ACCSL: variants seen among roughly 807,000 people sequenced by gnomAD.
The protein encoded by ACCSL is 1-aminocyclopropane-1-carboxylate synthase homolog (inactive) like, also known as probable inactive 1-aminocyclopropane-1-carboxylate synthase-like protein 2.
ACCSL carries 55 observed loss-of-function variants against 61.7 expected under a neutral mutation model. The ratio of observed to expected loss-of-function variants is 0.89; its 90% CI spans 0.72 to 1.12. The LOEUF is 1.12. Ranked by LOEUF, ACCSL falls within the 50% of genes most tolerant of loss-of-function variation. ACCSL has a pLI of 0.00. For missense variants in ACCSL, 632 were observed against 698.0 expected (o/e 0.91, Z 1.07); for synonymous variants, 258 against 264.3 (o/e 0.98, Z 0.23).
chr11:44,006,941 C>T, the ACCSL span, among the ~76,000 whole-genome samples: 1 of 152,212 alleles, frequency 6.6e-6, no homozygotes, highest in Non-Finnish European at 1.5e-5. Flanking sequence ...TTCAAGCTAA[C>T]CTCTCCCCAC....
At chr11:44,046,127 A>T (rs997476386), upstream of ACCSL, among the ~76,000 whole-genome samples, 1 of 152,232 alleles carries the variant, frequency 6.6e-6, no homozygotes. Context: ...GAGCCCCATT[A>T]AAATGAATCT....
At chr11:44,047,850 C>T (rs1952608839), upstream of ACCSL, 1 of 700,268 alleles carries the variant, frequency 1.4e-6, no homozygotes, top group Non-Finnish European at 2.3e-6. Context: ...GAGTAGGTAA[C>T]TCTTCATGAA....
At chr11:44,021,869 T>A in the ACCSL span, among the ~76,000 whole-genome samples, 1 of 152,210 alleles carries the variant, frequency 6.6e-6, no homozygotes, top group East Asian at 1.9e-4. Flanking sequence ...ATTTGTTGAA[T>A]AGGGTGTCCC....
chr11:43,967,216 C>T, the ACCSL span, among the ~76,000 whole-genome samples: 503 of 106,478 alleles, frequency 4.7e-3, 4 homozygotes, highest in African/African-American at 0.017. Flanking sequence ...TCGCTCTTGT[C>T]GCCCAGGCTG....
At chr11:43,943,629 T>A in the ACCSL span, 1 of 1,305,946 alleles carries the variant, frequency 7.7e-7, no homozygotes. The surrounding 1 kb of genome is among the most constrained non-coding windows in gnomAD (Gnocchi z 4.8). Flanking sequence ...ACTCCGATTT[T>A]GCACACCGCT....
the ACCSL span, among the ~76,000 whole-genome samples, chr11:44,037,573 G>A: frequency 6.6e-6 from 1 of 152,194 alleles, no homozygotes; most frequent in African/African-American, 2.4e-5. Flanking sequence ...TGGCAAATCC[G>A]TGTTACAGCT....
chr11:44,022,115 A>T, the ACCSL span, among the ~76,000 whole-genome samples: 2 of 151,622 alleles, frequency 1.3e-5, no homozygotes, highest in African/African-American at 4.9e-5. Context: ...TTTTGGTTTC[A>T]TATGAAGTTT....
the ACCSL span, among the ~76,000 whole-genome samples, chr11:43,929,117 A>G: frequency 2.0e-5 from 3 of 152,228 alleles, no homozygotes; most frequent in African/African-American, 7.2e-5. Context: ...GAGTTGTTCA[A>G]TTGAGAGAGA....
At chr11:44,016,574 T>C in the ACCSL span, among the ~76,000 whole-genome samples, 2 of 152,146 alleles carry the variant, frequency 1.3e-5, no homozygotes, top group African/African-American at 2.4e-5. Context: ...CAGAAAAAGA[T>C]AGTATCTGTT....
At chr11:44,033,686 C>G in the ACCSL span, among the ~76,000 whole-genome samples, 144 of 152,202 alleles carry the variant, frequency 9.5e-4, no homozygotes, top group Middle Eastern at 0.02. Flanking sequence ...AAGCAGGATA[C>G]CAAGTCCTGG....
the ACCSL span, among the ~76,000 whole-genome samples, chr11:44,030,270 ATTTC>A: frequency 6.7e-6 from 1 of 150,130 alleles, no homozygotes; most frequent in Admixed American, 6.6e-5. Flanking sequence ...GTCTTGACCC[ATTTC>A]TTTCTCCCCT....
the ACCSL span, among the ~76,000 whole-genome samples, chr11:43,963,455 C>T: frequency 6.6e-6 from 1 of 152,240 alleles, no homozygotes; most frequent in Non-Finnish European, 1.5e-5. Flanking sequence ...TCTCCCTTCT[C>T]TCAGAGGGAG....
chr11:44,037,673 A>G, the ACCSL span, among the ~76,000 whole-genome samples: 1 of 152,210 alleles, frequency 6.6e-6, no homozygotes, highest in African/African-American at 2.4e-5. Flanking sequence ...TACTGTCAAC[A>G]TTCACAAGGT....
At chr11:43,932,427 C>T in the ACCSL span, among the ~76,000 whole-genome samples, 1,299 of 152,258 alleles carry the variant, frequency 8.5e-3, 19 homozygotes, top group African/African-American at 0.03. Flanking sequence ...ACCAACATGC[C>T]GGGCTAACTT....
chr11:43,961,735 C>T, the ACCSL span, among the ~76,000 whole-genome samples: 2 of 152,102 alleles, frequency 1.3e-5, no homozygotes, highest in African/African-American at 2.4e-5. Flanking sequence ...CTCTCTCTCT[C>T]TCCTCTCTCC....
the ACCSL span, among the ~76,000 whole-genome samples, chr11:43,989,015 G>A: frequency 7.9e-5 from 12 of 152,032 alleles, no homozygotes; most frequent in African/African-American, 2.7e-4. Context: ...TCCTCCCTGG[G>A]TTCTAACTGG....
chr11:43,926,212 A>G, the ACCSL span, among the ~76,000 whole-genome samples: 1 of 151,934 alleles, frequency 6.6e-6, no homozygotes, highest in South Asian at 2.1e-4. Context: ...GAGCTCCCAG[A>G]TGCCAAAGTG....
chr11:43,940,553 G>A, the ACCSL span, among the ~76,000 whole-genome samples: 3 of 151,326 alleles, frequency 2.0e-5, no homozygotes, highest in African/African-American at 7.3e-5. Flanking sequence ...GTAGAGACGG[G>A]GTTTCACCGT....
the ACCSL span, among the ~76,000 whole-genome samples, chr11:43,967,848 A>C: frequency 6.6e-6 from 1 of 152,160 alleles, no homozygotes. Flanking sequence ...ACTTTCTGAG[A>C]TCTGCTGCCA....
Sources: gnomAD v4.1 joint callset for allele counts (sites outside exome capture counted in the v4.1 genomes callset) on GRCh38, gnomAD v4.1.1 for gene constraint, Gnocchi (gnomAD v3.1) non-coding constraint, MANE v1.5 for transcripts, NCBI Gene and HGNC (gene_info 2026-07-23, HGNC 2026-07-21) for gene names.